The following ZNF704 variants were observed in gnomAD, a reference collection of about 807,000 sequenced individuals.
ZNF704 encodes zinc finger protein 704.
A neutral mutation model predicts 44.7 loss-of-function variants in ZNF704; 10 were observed. The observed-to-expected ratio is 0.22, with a 90% confidence interval of 0.14 to 0.38. The LOEUF (loss-of-function observed/expected upper bound fraction) is 0.38. Among genes scored for constraint, ZNF704 ranks in the 10% least tolerant of loss-of-function variants. The probability of loss-of-function intolerance (pLI) is 1.00; values close to 1 mark genes in which losing one functional copy is unlikely to be tolerated. For synonymous variants in ZNF704, 211 were observed against 207.6 expected, an observed-to-expected ratio of 1.02 and a Z score of -0.14; for missense variants, 390 against 545.5, an observed-to-expected ratio of 0.71 and a Z score of 2.84.
At chr8:80,740,883 G>A (rs1303183168) in intron 2 of ZNF704, among the ~76,000 whole-genome samples, 1 of 152,226 alleles carries the variant, frequency 6.6e-6, no homozygotes, top group Non-Finnish European at 1.5e-5. Context: ...TTTGGTACGT[G>A]GATGATTTAC....
intron 2 of ZNF704, among the ~76,000 whole-genome samples, chr8:80,716,923 C>A (rs1327474311): frequency 6.6e-6 from 1 of 152,232 alleles, no homozygotes; most frequent in Non-Finnish European, 1.5e-5. Flanking sequence ...TGCTGCTATT[C>A]ACTGTCAGCT....
intron 5 of ZNF704, 135 bp from the exon 6 acceptor site, chr8:80,665,217 G>A: frequency 1.1e-6 from 1 of 918,958 alleles, no homozygotes; most frequent in East Asian, 2.6e-5. Flanking sequence ...TCCTTATCCT[G>A]CAGCACTCAG....
intron 2 of ZNF704, among the ~76,000 whole-genome samples, chr8:80,705,592 G>A (rs553839302): frequency 6.6e-6 from 1 of 150,744 alleles, no homozygotes; most frequent in Non-Finnish European, 1.5e-5. Flanking sequence ...GTGTATCCGT[G>A]TATGCATTTG....
At chr8:80,808,495 G>A (rs1421734238) in intron 2 of ZNF704, among the ~76,000 whole-genome samples, 1 of 152,184 alleles carries the variant, frequency 6.6e-6, no homozygotes, top group East Asian at 1.9e-4. Context: ...TGACTACACT[G>A]TTTGTTAGGA....
intron 1 of ZNF704, among the ~76,000 whole-genome samples, chr8:80,870,957 T>C (rs1809242009): frequency 6.6e-6 from 1 of 152,192 alleles, no homozygotes; most frequent in Admixed American, 6.5e-5. Flanking sequence ...TAGTAAATGG[T>C]ACCTTCAACC....
At position 80,640,826 on chromosome 8, in the gene ZNF704, A is replaced by C. The variant is rs895581323; in HGVS notation, c.*540T>G. ...ACAAAAAGCCATAGAAAAGATGCCC[A>C]GAGTGCTGCGCTGTCTTGCAACACA... On this transcript the variant is annotated 3_prime_UTR_variant, in exon 9 of 9. Coordinates refer to ENST00000327835, the MANE Select transcript of ZNF704 (RefSeq NM_001033723.3). The C allele has an allele frequency of 2.6e-5, 4 of 152,468 alleles. No homozygotes were observed. The highest frequency in any genetic ancestry group is 9.6e-5 in the African/African-American group (4 of 41,468). The allele number at this position is 152,468 out of a possible 1,614,324, so 9.4% of individuals were successfully genotyped here.
chr8:80,839,216 T>C (rs1184296867), intron 1 of ZNF704, among the ~76,000 whole-genome samples: 8 of 152,192 alleles, frequency 5.3e-5, no homozygotes, highest in African/African-American at 1.4e-4. Flanking sequence ...GAAACACAAC[T>C]TTTCAAATTC....
At chr8:80,843,837 T>C (rs1276049882) in intron 1 of ZNF704, among the ~76,000 whole-genome samples, 1 of 152,132 alleles carries the variant, frequency 6.6e-6, no homozygotes, top group Non-Finnish European at 1.5e-5. Flanking sequence ...TATATTTTAG[T>C]AGACCTTTGA....
Position 80,687,442 on chromosome 8 carries a change from G to C in ZNF704, c.342C>G (p.Ser114=). The change falls in exon 4 of 9, where the codon TCC becomes TCG. Residue 114 remains serine (S), a synonymous_variant. Coordinates refer to ENST00000327835, the MANE Select transcript of ZNF704 (RefSeq NM_001033723.3). ...PVRPNESLSG[S]WKEGGCVPSS... The stretch of plus-strand genomic sequence containing the variant: ...AAGGCACGCAGCCGCCCTCCTTCCA[G>C]GATCCGCTGAGGCTCTCTGCATGCA... 4 of 1,574,004 alleles carry C rather than the reference G, an allele frequency of 2.5e-6. No individual in the cohort carries two copies. Among genetic ancestry groups the C allele is most frequent in the Non-Finnish European group, 3.4e-6 (4 of 1,161,768 alleles).
intron 7 of ZNF704, among the ~76,000 whole-genome samples, chr8:80,651,961 A>C (rs1817927528): frequency 6.6e-6 from 1 of 151,932 alleles, no homozygotes; most frequent in Non-Finnish European, 1.5e-5. Context: ...AATTATAACA[A>C]ACTGTCTCTC....
Position 80,629,420 on chromosome 8 carries a change from C to T in ZNF704, c.*11946G>A, listed in dbSNP as rs1311641452. 6.6e-6 allele frequency: 1 copy of T among 152,110 alleles called. No individual in the cohort carries two copies. The highest frequency in any genetic ancestry group is 2.4e-5 in the African/African-American group (1 of 41,406). 9.4% of individuals were successfully genotyped at this position (152,110 alleles called of 1,614,324 possible). A position where few individuals can be genotyped will look rare whatever the true frequency, so the allele number is the denominator to read the frequency against. On this transcript the variant is annotated 3_prime_UTR_variant, in exon 9 of 9. Transcript: ENST00000327835. ...TTAGAAATGCGTGTTTTTTTCCCCCCGTATTTTACAAACAGTTGAGAAACT... is the reference window on the plus strand; with the variant it reads ...TTAGAAATGCGTGTTTTTTTCCCCCTGTATTTTACAAACAGTTGAGAAACT...
At chr8:80,690,716 G>A (rs182736975) in intron 3 of ZNF704, among the ~76,000 whole-genome samples, 6 of 152,198 alleles carry the variant, frequency 3.9e-5, no homozygotes, top group Non-Finnish European at 7.3e-5. Context: ...GCTATATAAA[G>A]AGGAGGTGTC....
intron 2 of ZNF704, among the ~76,000 whole-genome samples, chr8:80,820,902 T>A (rs1427151282): frequency 1.3e-5 from 2 of 150,938 alleles, no homozygotes; most frequent in African/African-American, 4.9e-5. Context: ...CCAGACCCTA[T>A]CTCTATTTGG....
At chr8:80,803,620 T>G (rs1344963896) in intron 2 of ZNF704, among the ~76,000 whole-genome samples, 1 of 152,210 alleles carries the variant, frequency 6.6e-6, no homozygotes, top group Non-Finnish European at 1.5e-5. Flanking sequence ...CTGGGAGAAC[T>G]GGCTAGCCAT....
intron 2 of ZNF704, among the ~76,000 whole-genome samples, chr8:80,760,759 G>C (rs190497545): frequency 6.6e-6 from 1 of 151,898 alleles, no homozygotes; most frequent in African/African-American, 2.4e-5. Context: ...CATAGGTCCT[G>C]CAGGCTGTAC....
intron 2 of ZNF704, among the ~76,000 whole-genome samples, chr8:80,723,439 T>C (rs137954305): frequency 2.4e-3 from 364 of 151,868 alleles, no homozygotes; most frequent in African/African-American, 8.2e-3. Context: ...TTTAGAGAAG[T>C]ATGTGATTGG....
chr8:80,711,157 A>G (rs1391659187), intron 2 of ZNF704, among the ~76,000 whole-genome samples: 1 of 152,178 alleles, frequency 6.6e-6, no homozygotes, highest in Non-Finnish European at 1.5e-5. Flanking sequence ...GGTGGTTCCT[A>G]CTGTACTTCC....
In ZNF704 at chr8:80,802,439, A is replaced by C. The variant is rs1016650524; in HGVS notation, c.221+18935T>G. Among the ~76,000 whole-genome samples, 3 of 152,218 alleles carry C rather than the reference A, an allele frequency of 2.0e-5. No individual in the cohort carries two copies. The South Asian group carries it at 6.2e-4, about 31-fold the overall frequency. ...GATGAACATCAATGCAAAGATCCTCAATAAAATACTGGCAAACGGAATCCA... is the reference window on the plus strand; with the variant it reads ...GATGAACATCAATGCAAAGATCCTCCATAAAATACTGGCAAACGGAATCCA... On this transcript the variant is annotated intron_variant, in intron 2 of 8. Transcript: ENST00000327835.
rs567907638 is a variant in ZNF704 at position 80,777,835 on chromosome 8, C to T, written c.221+43539G>A. On this transcript the variant is annotated intron_variant, in intron 2 of 8. Transcript: ENST00000327835. ...CAGAGGTTGCATTGAGCCGAGATCG[C>T]GCCACTGCACTCCAGCCTAGGCGAC... is the stretch of plus-strand genomic sequence containing the variant. 4.0e-5 allele frequency among the ~76,000 whole-genome samples: 6 copies of T among 150,864 alleles called. No individual in the cohort carries two copies. In the South Asian group the frequency reaches 6.3e-4, roughly 16 times the overall value.
Sources: gnomAD v4.1 joint callset for allele counts (sites outside exome capture counted in the v4.1 genomes callset) on GRCh38, gnomAD v4.1.1 for gene constraint, MANE v1.5 for transcripts, NCBI Gene and HGNC (gene_info 2026-07-23, HGNC 2026-07-21) for gene names.